The following RAD52 variants were observed in gnomAD, a reference collection of about 807,000 sequenced individuals.
RAD52 encodes the protein DNA repair protein RAD52 homolog.
A neutral mutation model predicts 55.5 loss-of-function variants in RAD52; 47 were observed. That is an observed-to-expected ratio of 0.85 (90% CI 0.67 to 1.08). The LOEUF (loss-of-function observed/expected upper bound fraction) is 1.08. Ranked by LOEUF, RAD52 falls within the 50% of genes least tolerant of loss-of-function variation. RAD52 has a pLI of 0.00. For synonymous variants in RAD52, 184 were observed against 198.9 expected (o/e 0.92, Z 0.63); for missense variants, 468 against 522.8 (o/e 0.90, Z 1.02).
At position 930,228 on chromosome 12, in the gene RAD52, C is replaced by T. The variant is rs1053437032; in HGVS notation, c.187-84G>A. ...TGAATCAAAATTGACATAATTTATT[C>T]CTCATCTACTTTTTTCGATAAACTG... On this transcript the variant is annotated intron_variant, in intron 3 of 11. Transcript: ENST00000358495. 1.6e-5 allele frequency: 18 copies of T among 1,116,236 alleles called. No individual in the cohort carries two copies. The South Asian group carries it at 1.6e-4, about 10-fold the overall frequency. 69.1% of individuals were successfully genotyped at this position (1,116,236 alleles called of 1,614,324 possible).
At position 944,093 on chromosome 12, in the gene RAD52, G is replaced by A. The variant is rs368552731; in HGVS notation, c.-19+5509C>T. On this transcript the variant is annotated intron_variant, in intron 1 of 11. Coordinates refer to ENST00000358495, the MANE Select transcript of RAD52 (RefSeq NM_134424.4). ...TAGCTGGGCCTGGTGGAATGTTCCC[G>A]TAGTCCTAGCTACTCAGGGGGCTGA... 7.2e-5 allele frequency among the ~76,000 whole-genome samples: 11 copies of A among 152,204 alleles called. No individual in the cohort carries two copies. In the East Asian group the frequency reaches 9.6e-4, roughly 13 times the overall value.
Position 930,042 on chromosome 12 carries a change from C to G in RAD52, c.280+9G>C. ...TGCAGAAGTCCCCACTGCTGGAGAG[C>G]ATACTCACCCACATTCTGCTGCGTG... is the stretch of plus-strand genomic sequence containing the variant. On this transcript the variant is annotated intron_variant, in intron 4 of 11. Coordinates refer to ENST00000358495, the MANE Select transcript of RAD52 (RefSeq NM_134424.4). 4 of 1,611,576 alleles carry G rather than the reference C, an allele frequency of 2.5e-6. No individual in the cohort carries two copies. The highest frequency in any genetic ancestry group is 3.4e-6 in the Non-Finnish European group (4 of 1,177,646).
chr12:947,766 T>C (rs1958325360), intron 1 of RAD52, among the ~76,000 whole-genome samples: 1 of 151,522 alleles, frequency 6.6e-6, no homozygotes, highest in African/African-American at 2.4e-5. Context: ...CATGCGCCTG[T>C]AAGCCCAGTT....
rs57206780 is a variant in RAD52 at position 939,085 on chromosome 12, T to TGTAG, written c.-18-6010_-18-6009insCTAC. Among the ~76,000 whole-genome samples, 170 of 144,754 alleles carry TGTAG rather than the reference T, an allele frequency of 1.2e-3. 1 individual carries two copies. Among genetic ancestry groups the TGTAG allele is most frequent in the African/African-American group, 3.2e-3 (125 of 38,772 alleles). The allele number at this position is 144,754 out of a possible 152,430, so 95.0% of individuals were successfully genotyped here. On this transcript the variant is annotated intron_variant, in intron 1 of 11. Coordinates refer to ENST00000358495, the MANE Select transcript of RAD52 (RefSeq NM_134424.4). ...GTGTGTGTGTGTGTGTGTGTGTGTG[T>TGTAG]AGAGAGAGAGAAAAAGGCAAGTAGA...
intron 1 of RAD52, among the ~76,000 whole-genome samples, chr12:968,412 A>G (rs1958798735): frequency 6.6e-6 from 1 of 151,908 alleles, no homozygotes; most frequent in Admixed American, 6.6e-5. Context: ...GCACCTTCAA[A>G]GCTTCATTCT....
intron 1 of RAD52, among the ~76,000 whole-genome samples, chr12:970,212 G>A (rs547499815): frequency 6.6e-6 from 1 of 151,536 alleles, no homozygotes; most frequent in Non-Finnish European, 1.5e-5. Context: ...GTGGGGCAGG[G>A]GGGTGCTGAG....
At chr12:926,169 TCTCA>T (rs1957023863) in intron 6 of RAD52, among the ~76,000 whole-genome samples, 1 of 152,006 alleles carries the variant, frequency 6.6e-6, no homozygotes, top group African/African-American at 2.4e-5. Context: ...TTGAGTGAGT[TCTCA>T]CTCAGCTCAT....
chr12:960,855 T>C (rs1958672862), intron 1 of RAD52, among the ~76,000 whole-genome samples: 1 of 152,074 alleles, frequency 6.6e-6, no homozygotes, highest in Admixed American at 6.6e-5. Context: ...AGTCAGGACA[T>C]AGAGCAGAGC....
intron 1 of RAD52, among the ~76,000 whole-genome samples, chr12:970,468 A>T (rs1958830842): frequency 6.6e-6 from 1 of 152,180 alleles, no homozygotes; most frequent in Non-Finnish European, 1.5e-5. Context: ...CATAGTTTAA[A>T]ATAAAAAACA....
intron 1 of RAD52, among the ~76,000 whole-genome samples, chr12:955,499 A>C (rs1958593276): frequency 6.8e-6 from 1 of 147,884 alleles, no homozygotes; most frequent in Non-Finnish European, 1.5e-5. Flanking sequence ...TTTGAGACGG[A>C]GTCTCACTCT....
chr12:931,692 G>A (rs1407315239), intron 2 of RAD52, among the ~76,000 whole-genome samples: 1 of 152,196 alleles, frequency 6.6e-6, no homozygotes, highest in Non-Finnish European at 1.5e-5. Context: ...TGCCTTAGCT[G>A]CTGCTACCAT....
At chr12:922,201 A>AAAAC (rs1956771008) in intron 7 of RAD52, among the ~76,000 whole-genome samples, 7 of 147,594 alleles carry the variant, frequency 4.7e-5, no homozygotes, top group Admixed American at 4.1e-4. Context: ...TAAAAAAAAA[A>AAAAC]AAAAAAAAAA....
At chr12:978,890 G>GGAGATAGA (rs145600412) in intron 1 of RAD52, among the ~76,000 whole-genome samples, 1 of 149,410 alleles carries the variant, frequency 6.7e-6, no homozygotes, top group Non-Finnish European at 1.5e-5. Context: ...TAGATGATAG[G>GGAGATAGA]TAGATAGATA....
At position 919,750 on chromosome 12, in the gene RAD52, A is replaced by T. The variant is rs1447832674; in HGVS notation, c.544-2930T>A. ...TGGGCGACAGAGCAAGACTCTGTCT[A>T]AAAAAAAAAAAAAAAATCTGGGCTC... On this transcript the variant is annotated intron_variant, in intron 7 of 11. Coordinates refer to ENST00000358495, the MANE Select transcript of RAD52 (RefSeq NM_134424.4). 1.5e-3 allele frequency among the ~76,000 whole-genome samples: 137 copies of T among 89,916 alleles called. 39 individuals carry two copies. The Middle Eastern group carries it at 0.028, about 18-fold the overall frequency. 59.0% of individuals were successfully genotyped at this position (89,916 alleles called of 152,430 possible). A position where few individuals can be genotyped will look rare whatever the true frequency, so the allele number is the denominator to read the frequency against.
intron 9 of RAD52, 58 bp downstream of exon 9, chr12:916,286 G>A: frequency 6.3e-7 from 1 of 1,587,680 alleles, no homozygotes; most frequent in South Asian, 1.1e-5. Flanking sequence ...AGAAGACCCT[G>A]CGGCTACACT....
chr12:925,451 T>A lies in RAD52; in HGVS notation c.542A>T (p.Gln181Leu). ...YLRSLNKLPR[Q>L]LPLEVDLTKA... ...TCCACTCATCCATGTCTGATATACC[T>A]GGCGTGGAAGCTTATTTAGTGATCT... Residue 181 changes from glutamine to leucine, a missense_variant and splice_region_variant, in exon 7 of 12, where the codon CAG (glutamine) becomes CTG (leucine). By Grantham distance (113) the Gln-to-Leu change is moderately radical. Coordinates refer to ENST00000358495, the MANE Select transcript of RAD52 (RefSeq NM_134424.4). The A allele has an allele frequency of 1.2e-6, 2 of 1,612,584 alleles. No homozygotes were observed. Among genetic ancestry groups the A allele is most frequent in the Non-Finnish European group, 1.7e-6 (2 of 1,178,586 alleles).
At chr12:972,877 T>C (rs1337926508) in intron 1 of RAD52, among the ~76,000 whole-genome samples, 1 of 151,262 alleles carries the variant, frequency 6.6e-6, no homozygotes, top group African/African-American at 2.4e-5. Context: ...GCTAGGAGAC[T>C]AGCAGATGAG....
intron 1 of RAD52, chr12:975,568 C>A (rs1184186090): frequency 6.6e-6 from 1 of 152,140 alleles, no homozygotes; most frequent in African/African-American, 2.4e-5. Context: ...CCAGAAGTAA[C>A]CAGAAGTGGA....
chr12:957,595 G>A (rs1375595337), intron 1 of RAD52, among the ~76,000 whole-genome samples: 2 of 151,782 alleles, frequency 1.3e-5, no homozygotes, highest in Non-Finnish European at 2.9e-5. Context: ...AGATCATCCT[G>A]GGCAACATAG....
Sources: allele counts gnomAD v4.1 joint callset (sites outside exome capture counted in the v4.1 genomes callset), GRCh38; gene constraint gnomAD v4.1.1; transcripts MANE v1.5; gene names NCBI Gene and HGNC (gene_info 2026-07-23, HGNC 2026-07-21).